Variants in CDC14A observed in about 807,000 individuals in gnomAD.
The protein encoded by CDC14A is cell division cycle 14A.
CDC14A carries 53 observed loss-of-function variants against 74.4 expected under a neutral mutation model. The ratio of observed to expected loss-of-function variants is 0.71; its 90% CI spans 0.57 to 0.89. The LOEUF is 0.89. Ranked by LOEUF, CDC14A falls within the 40% of genes least tolerant of loss-of-function variation. The pLI is 0.00. For missense variants in CDC14A, 646 were observed against 713.7 expected (o/e 0.91, Z 1.08); for synonymous variants, 247 against 258.4 (o/e 0.96, Z 0.43).
At chr1:100,476,749 A>G (rs571739054) in intron 10 of CDC14A, among the ~76,000 whole-genome samples, 8 of 152,312 alleles carry the variant, frequency 5.3e-5, no homozygotes, top group Admixed American at 2.0e-4. Context: ...AATTTTCGGC[A>G]TGAAATCTGC....
chr1:100,467,350 C>G (rs936819068), intron 9 of CDC14A, among the ~76,000 whole-genome samples: 8 of 152,092 alleles, frequency 5.3e-5, no homozygotes, highest in Non-Finnish European at 1.2e-4. Context: ...GATTCTTGAA[C>G]ATGTAAAAAA....
At chr1:100,483,506 A>G (rs1385122854) in intron 10 of CDC14A, among the ~76,000 whole-genome samples, 5 of 152,164 alleles carry the variant, frequency 3.3e-5, no homozygotes. Flanking sequence ...CAGTGTTTTT[A>G]GTTTAATTCT....
Position 100,507,960 on chromosome 1 carries a change from A to T in CDC14A, c.1755+8698A>T, listed in dbSNP as rs1014225807. Among the ~76,000 whole-genome samples, 5 of 152,208 alleles carry T rather than the reference A, an allele frequency of 3.3e-5. No individual in the cohort carries two copies. The South Asian group carries it at 1.0e-3, about 31-fold the overall frequency. ...CTCCCAAAGTGCTGGGATTACAGGC[A>T]TAAGCCACTGCATCCAGCCAATAGC... On this transcript the variant is annotated intron_variant, in intron 15 of 15. Transcript: ENST00000336454.
At chr1:100,447,474 CA>C (rs1665689246) in intron 7 of CDC14A, among the ~76,000 whole-genome samples, 1 of 152,186 alleles carries the variant, frequency 6.6e-6, no homozygotes, top group African/African-American at 2.4e-5. Context: ...GATGGTGGTC[CA>C]AAACCTTCCT....
At chr1:100,380,725 G>C (rs1309295626) in intron 3 of CDC14A, among the ~76,000 whole-genome samples, 1 of 152,154 alleles carries the variant, frequency 6.6e-6, no homozygotes, top group Non-Finnish European at 1.5e-5. Context: ...TGCCTTGCCA[G>C]CTCTCACCCT....
intron 5 of CDC14A, among the ~76,000 whole-genome samples, chr1:100,436,529 A>G (rs575948801): frequency 1.3e-5 from 2 of 151,966 alleles, no homozygotes; most frequent in South Asian, 2.1e-4. Flanking sequence ...GGTTCAAGCT[A>G]TTCTCCTGCC....
intron 4 of CDC14A, among the ~76,000 whole-genome samples, chr1:100,420,767 T>C (rs551605286): frequency 1.3e-5 from 2 of 152,298 alleles, no homozygotes; most frequent in South Asian, 4.1e-4. Context: ...ATGGGCAACA[T>C]TGGCTTACTG....
intron 7 of CDC14A, among the ~76,000 whole-genome samples, chr1:100,453,650 T>C (rs986367333): frequency 6.6e-6 from 1 of 152,244 alleles, no homozygotes; most frequent in African/African-American, 2.4e-5. Flanking sequence ...ATTTTTTTTA[T>C]TTCCTTTGAG....
intron 7 of CDC14A, among the ~76,000 whole-genome samples, chr1:100,452,165 A>G (rs1389782657): frequency 6.6e-6 from 1 of 152,234 alleles, no homozygotes; most frequent in African/African-American, 2.4e-5. Context: ...GTGTTTGGAC[A>G]GAAAAATGTA....
rs764506271 is a variant in CDC14A at position 100,462,835 on chromosome 1, G to C, written c.792G>C (p.Leu264=). The C allele has an allele frequency of 3.4e-5, 55 of 1,613,864 alleles. No individual in the cohort carries two copies. Among genetic ancestry groups the C allele is most frequent in the Non-Finnish European group, 4.5e-5 (53 of 1,180,004 alleles). The change falls in exon 9 of 16, where the codon CTG becomes CTC. Residue 264 remains leucine, a synonymous_variant. Coordinates refer to ENST00000336454, the MANE Select transcript of CDC14A (RefSeq NM_003672.4). ...GTGACAACATCGTGCGAAGGTTCCT[G>C]AACATCTGTGAGAACACCGAAGGGG... ...TPSDNIVRRF[L]NICENTEGAI... is the part of the protein sequence containing the mutation.
intron 7 of CDC14A, 67 bp downstream of exon 7, chr1:100,443,063 C>A: frequency 1.9e-6 from 2 of 1,043,282 alleles, no homozygotes; most frequent in Non-Finnish European, 3.0e-6. Flanking sequence ...CCCTGTCACA[C>A]TCATGTATTG....
chr1:100,499,822 A>G (rs1355005261), intron 15 of CDC14A, among the ~76,000 whole-genome samples: 1 of 152,190 alleles, frequency 6.6e-6, no homozygotes, highest in Admixed American at 6.5e-5. Flanking sequence ...CCAGAATAAA[A>G]TAAGTGGCAA....
At chr1:100,452,934 A>T (rs1408735786) in intron 7 of CDC14A, among the ~76,000 whole-genome samples, 1 of 152,200 alleles carries the variant, frequency 6.6e-6, no homozygotes, top group Non-Finnish European at 1.5e-5. Context: ...TTTATTATTG[A>T]TAAACATTGA....
At chr1:100,361,534 T>C (rs11584851) in intron 2 of CDC14A, among the ~76,000 whole-genome samples, 39,972 of 152,156 alleles carry the variant, frequency 0.26, 6,237 homozygotes, top group Non-Finnish European at 0.34. Context: ...CACCTAGCAC[T>C]GTGCCTGGCA....
In CDC14A at chr1:100,455,471, C is replaced by T. The variant is rs755291422; in HGVS notation, c.586C>T (p.Pro196Ser). 55 of 1,589,910 alleles carry T rather than the reference C, an allele frequency of 3.5e-5. No individual in the cohort carries two copies. The highest frequency in any genetic ancestry group is 4.4e-5 in the Non-Finnish European group (51 of 1,171,258). Reference sequence around the variant, plus strand: ...ATTTTTAGCATTTAGTGGACCACATCCTAAAAGCAAAATTGAGAATGGTAG... The same window carrying T: ...ATTTTTAGCATTTAGTGGACCACATTCTAAAAGCAAAATTGAGAATGGTAG... ...GKFLAFSGPH[P>S]KSKIENGYPL... The change falls in exon 8 of 16, where the codon CCT (proline) becomes TCT (serine). Residue 196 changes from proline to serine, a missense_variant. Coordinates refer to ENST00000336454, the MANE Select transcript of CDC14A (RefSeq NM_003672.4).
At chr1:100,411,632 ACT>A (rs1660730085) in intron 4 of CDC14A, among the ~76,000 whole-genome samples, 1 of 150,452 alleles carries the variant, frequency 6.6e-6, no homozygotes, top group South Asian at 2.1e-4. Flanking sequence ...TCTAATAAAA[ACT>A]CTTTCTTCAT....
intron 2 of CDC14A, among the ~76,000 whole-genome samples, chr1:100,365,470 G>A (rs918425024): frequency 7.2e-5 from 11 of 152,188 alleles, no homozygotes; most frequent in African/African-American, 2.7e-4. Flanking sequence ...TTACATAAGA[G>A]CTGGAAAGAA....
chr1:100,372,436 CTAAG>C (rs1417274851), intron 2 of CDC14A, among the ~76,000 whole-genome samples: 1 of 152,202 alleles, frequency 6.6e-6, no homozygotes, highest in East Asian at 1.9e-4. Flanking sequence ...ACTTTATCAA[CTAAG>C]TATGTGTAAC....
rs75077532 is a variant in CDC14A, at chr1:100,464,279, A to G, written c.838+1398A>G. 4.3e-3 allele frequency among the ~76,000 whole-genome samples: 656 copies of G among 151,910 alleles called. 5 individuals are homozygous for G. Among genetic ancestry groups the G allele is most frequent in the African/African-American group, 0.015 (623 of 41,428 alleles). ...TCCCTCCCCACCCTCCCCATTAGCTAGCAGGATGGGCCCTGGCTTTGTGGG... is the reference window on the plus strand; with the variant it reads ...TCCCTCCCCACCCTCCCCATTAGCTGGCAGGATGGGCCCTGGCTTTGTGGG... On this transcript the variant is annotated intron_variant, in intron 9 of 15. Coordinates refer to ENST00000336454, the MANE Select transcript of CDC14A (RefSeq NM_003672.4).
Sources: allele counts gnomAD v4.1 joint callset (sites outside exome capture counted in the v4.1 genomes callset), GRCh38; gene constraint gnomAD v4.1.1; transcripts MANE v1.5; gene names NCBI Gene and HGNC (gene_info 2026-07-23, HGNC 2026-07-21).